Variants in SLC9C1 observed in about 807,000 individuals in gnomAD.
SLC9C1 encodes the protein solute carrier family 9 member C1, also known as sodium/hydrogen exchanger 10.
Under a neutral mutation model 140.9 loss-of-function variants are expected in SLC9C1, and 97 were observed. The ratio of observed to expected loss-of-function variants is 0.69; its 90% CI spans 0.58 to 0.82. SLC9C1 has a LOEUF of 0.82. Ranked by LOEUF, SLC9C1 falls within the 40% of genes least tolerant of loss-of-function variation. The probability of loss-of-function intolerance (pLI) is 0.00; values close to 1 mark genes in which losing one functional copy is unlikely to be tolerated. For missense variants in SLC9C1, 1,340 were observed against 1,389.3 expected, an observed-to-expected ratio of 0.96 and a Z score of 0.56; for synonymous variants, 440 against 442.6, an observed-to-expected ratio of 0.99 and a Z score of 0.07.
At chr3:112,200,615 T>C in intron 19 of SLC9C1, 96 bp downstream of exon 19, 4 of 1,093,228 alleles carry the variant, frequency 3.7e-6, no homozygotes, top group Non-Finnish European at 5.4e-6. Flanking sequence ...AGTGAGTAGG[T>C]TTCCTCAAAG....
intron 8 of SLC9C1, among the ~76,000 whole-genome samples, chr3:112,265,547 A>G (rs753613458): frequency 2.0e-5 from 3 of 152,136 alleles, no homozygotes; most frequent in Non-Finnish European, 4.4e-5. Context: ...ACCATGGTTT[A>G]CTTTCAGGGC....
chr3:112,216,209 G>A (rs558439039), intron 15 of SLC9C1, among the ~76,000 whole-genome samples: 7 of 152,186 alleles, frequency 4.6e-5, no homozygotes, highest in African/African-American at 1.7e-4. Context: ...ATCAATTCAA[G>A]ATGGATTAAA....
At chr3:112,151,994 T>C in intron 27 of SLC9C1, 31 bp from the exon 28 acceptor site, 1 of 1,547,528 alleles carries the variant, frequency 6.5e-7, no homozygotes, top group Non-Finnish European at 8.7e-7. Flanking sequence ...TTACTTGATG[T>C]CATGATAGGC....
intron 10 of SLC9C1, among the ~76,000 whole-genome samples, chr3:112,260,503 T>C (rs1576468207): frequency 6.6e-6 from 1 of 152,256 alleles, no homozygotes; most frequent in Middle Eastern, 3.4e-3. Flanking sequence ...ATATTAGATT[T>C]TAGGCTACAT....
At chr3:112,210,424 C>T (rs564745076) in intron 15 of SLC9C1, among the ~76,000 whole-genome samples, 2 of 152,198 alleles carry the variant, frequency 1.3e-5, no homozygotes, top group South Asian at 4.1e-4. Flanking sequence ...TAGGCTAAGT[C>T]AAAGAAGCGA....
At chr3:112,244,334 T>A (rs2079219950) in intron 10 of SLC9C1, among the ~76,000 whole-genome samples, 1 of 152,214 alleles carries the variant, frequency 6.6e-6, no homozygotes, top group South Asian at 2.1e-4. Flanking sequence ...AATCAATACT[T>A]ATACAGACAT....
At chr3:112,198,492 T>C (rs1245702223) in intron 20 of SLC9C1, among the ~76,000 whole-genome samples, 1 of 152,032 alleles carries the variant, frequency 6.6e-6, no homozygotes, top group East Asian at 1.9e-4. Context: ...CTTCTTTTGT[T>C]CCTAACTTTA....
At chr3:112,237,013 A>G (rs1576415496) in intron 12 of SLC9C1, among the ~76,000 whole-genome samples, 1 of 152,074 alleles carries the variant, frequency 6.6e-6, no homozygotes, top group African/African-American at 2.4e-5. Context: ...CATTTCCTGG[A>G]TATCCTTGTT....
chr3:112,175,986 C>T (rs4682365), intron 23 of SLC9C1, among the ~76,000 whole-genome samples: 1 of 152,060 alleles, frequency 6.6e-6, no homozygotes, highest in South Asian at 2.1e-4. Flanking sequence ...GATTCAGTCC[C>T]TTTCTTAGGA....
At chr3:112,158,016 C>G (rs1206463425) in intron 26 of SLC9C1, among the ~76,000 whole-genome samples, 2 of 151,786 alleles carry the variant, frequency 1.3e-5, no homozygotes, top group African/African-American at 2.4e-5. Flanking sequence ...ATTTTTTTCC[C>G]TCGCCTAATT....
At chr3:112,230,755 A>G (rs551360019) in intron 13 of SLC9C1, among the ~76,000 whole-genome samples, 124 of 152,290 alleles carry the variant, frequency 8.1e-4, no homozygotes, top group Admixed American at 1.2e-3. Flanking sequence ...AGGACAATTC[A>G]TGGCAAATAG....
intron 2 of SLC9C1, among the ~76,000 whole-genome samples, chr3:112,285,480 A>G (rs989076016): frequency 2.0e-5 from 3 of 152,210 alleles, no homozygotes; most frequent in African/African-American, 7.2e-5. Flanking sequence ...AGCTCAAGCA[A>G]TCTGCCCACC....
intron 28 of SLC9C1, chr3:112,147,633 T>C: frequency 1.2e-5 from 3 of 256,430 alleles, no homozygotes; most frequent in South Asian, 1.0e-4. Flanking sequence ...GCTTGTAAGG[T>C]TTCTGGTGAG....
At chr3:112,143,200 G>A (rs1040438557) in intron 28 of SLC9C1, among the ~76,000 whole-genome samples, 1 of 150,630 alleles carries the variant, frequency 6.6e-6, no homozygotes, top group Admixed American at 6.7e-5. Flanking sequence ...CGATGAACAT[G>A]CAAGTGCATG....
chr3:112,188,185 T>G (rs983999112), intron 20 of SLC9C1, among the ~76,000 whole-genome samples: 11 of 152,226 alleles, frequency 7.2e-5, no homozygotes. Context: ...TAACTGTAGA[T>G]TCCTACAGGT....
intron 26 of SLC9C1, among the ~76,000 whole-genome samples, chr3:112,160,203 A>G (rs2107881786): frequency 6.7e-6 from 1 of 149,832 alleles, no homozygotes; most frequent in South Asian, 2.1e-4. Context: ...AGTACGTTTT[A>G]AATAAGTTAT....
At chr3:112,250,181 C>T (rs959859772) in intron 10 of SLC9C1, among the ~76,000 whole-genome samples, 30 of 151,454 alleles carry the variant, frequency 2.0e-4, no homozygotes, top group African/African-American at 4.8e-4. Context: ...TTTGTCCTTG[C>T]GACAGTTTGC....
Position 112,247,437 on chromosome 3 carries a change from G to A in SLC9C1, c.1198-3361C>T, listed in dbSNP as rs538304962. ...TAGTTAATAACGTGCTCCAAATGAAGCAGTGACACCCATTTCTCAATCTTA... is the reference window on the plus strand; with the variant it reads ...TAGTTAATAACGTGCTCCAAATGAAACAGTGACACCCATTTCTCAATCTTA... On this transcript the variant is annotated intron_variant, in intron 10 of 28. Coordinates refer to ENST00000305815, the MANE Select transcript of SLC9C1 (RefSeq NM_183061.3). 7.2e-5 allele frequency among the ~76,000 whole-genome samples: 11 copies of A among 152,278 alleles called. No homozygotes were observed. The East Asian group carries it at 1.9e-3, about 27-fold the overall frequency.
intron 2 of SLC9C1, among the ~76,000 whole-genome samples, chr3:112,285,153 A>AT (rs1278972935): frequency 6.6e-6 from 1 of 151,732 alleles, no homozygotes; most frequent in Non-Finnish European, 1.5e-5. Flanking sequence ...TGCCTGGCTA[A>AT]TTTTTTGTAT....
Sources: gnomAD v4.1 joint callset for allele counts (sites outside exome capture counted in the v4.1 genomes callset) on GRCh38, gnomAD v4.1.1 for gene constraint, MANE v1.5 for transcripts, NCBI Gene and HGNC (gene_info 2026-07-23, HGNC 2026-07-21) for gene names.